Variants in SLC6A5 observed in about 807,000 individuals in gnomAD.
The protein encoded by SLC6A5 is sodium- and chloride-dependent glycine transporter 2.
In SLC6A5, 58 loss-of-function variants were observed where a neutral mutation model predicts 90.5. The ratio of observed to expected loss-of-function variants is 0.64; its 90% CI spans 0.52 to 0.80. The LOEUF (loss-of-function observed/expected upper bound fraction) is 0.80. SLC6A5 is among the 30% of genes least tolerant of loss of function. The probability of loss-of-function intolerance (pLI) is 0.00; values close to 1 mark genes in which losing one functional copy is unlikely to be tolerated. For missense variants in SLC6A5, 1,015 were observed against 1,017.6 expected (o/e 1.00, Z 0.03); for synonymous variants, 427 against 401.4 (o/e 1.06, Z -0.76).
chr11:20,618,202 A>T (rs1790621969), intron 7 of SLC6A5, among the ~76,000 whole-genome samples: 1 of 152,146 alleles, frequency 6.6e-6, no homozygotes, highest in African/African-American at 2.4e-5. Flanking sequence ...AACCTCCCTG[A>T]TATCATTCAG....
intron 11 of SLC6A5, among the ~76,000 whole-genome samples, chr11:20,636,774 A>G (rs1054370887): frequency 6.6e-6 from 1 of 152,176 alleles, no homozygotes; most frequent in African/African-American, 2.4e-5. Context: ...TGGGGCTGAG[A>G]CAACCGCAGA....
Position 20,607,029 on chromosome 11 carries a change from G to C in SLC6A5, c.702G>C (p.Leu234=). 6.2e-7 allele frequency: 1 copy of C among 1,614,104 alleles called. No homozygotes were observed. Among genetic ancestry groups the C allele is most frequent in the African/African-American group, 1.3e-5 (1 of 75,022 alleles). The change falls in exon 4 of 16, where the codon CTG becomes CTC. Residue 234 remains leucine, a synonymous_variant. Coordinates refer to ENST00000525748, the MANE Select transcript of SLC6A5 (RefSeq NM_004211.5). The part of the protein sequence containing the change: ...NGGGAFLIPY[L]MMLALAGLPI... The stretch of plus-strand genomic sequence containing the variant: ...AAGGTGCTTTCCTCATCCCTTACCT[G>C]ATGATGCTGGCTCTGGCTGGATTAC...
intron 13 of SLC6A5, among the ~76,000 whole-genome samples, chr11:20,645,614 A>C (rs1853397709): frequency 6.9e-6 from 1 of 143,900 alleles, no homozygotes; most frequent in African/African-American, 2.6e-5. Flanking sequence ...AAAATGATGG[A>C]GGATGAAGGA....
intron 7 of SLC6A5, among the ~76,000 whole-genome samples, chr11:20,622,746 C>T (rs906063961): frequency 1.3e-5 from 2 of 151,868 alleles, no homozygotes; most frequent in Non-Finnish European, 2.9e-5. Flanking sequence ...AGATTTCCTT[C>T]TATAAGCCAC....
At chr11:20,625,026 T>C (rs1200322846) in intron 7 of SLC6A5, among the ~76,000 whole-genome samples, 2 of 152,086 alleles carry the variant, frequency 1.3e-5, no homozygotes, top group Admixed American at 6.5e-5. Context: ...CCTCAGTGAG[T>C]GCTGGAGTCA....
intron 3 of SLC6A5, among the ~76,000 whole-genome samples, chr11:20,606,639 A>G (rs1852586810): frequency 1.3e-5 from 2 of 152,084 alleles, no homozygotes; most frequent in African/African-American, 4.8e-5. Flanking sequence ...CACCAACCTG[A>G]ATCCAGTAGT....
Position 20,627,968 on chromosome 11 carries a change from T to C in SLC6A5, c.1396-12T>C, listed in dbSNP as rs1476710285. On this transcript the variant is annotated splice_polypyrimidine_tract_variant and intron_variant, in intron 8 of 15. Transcript: ENST00000525748. Reference sequence around the variant, plus strand: ...TCATGGGTCTTGAATCTCTTTCCCTTTTGCCTCTCAGGTGTGGAAAGATGC... The same window carrying C: ...TCATGGGTCTTGAATCTCTTTCCCTCTTGCCTCTCAGGTGTGGAAAGATGC... The C allele has an allele frequency of 6.2e-7, 1 of 1,607,608 alleles. No individual in the cohort carries two copies.
chr11:20,623,298 C>G (rs537983914), intron 7 of SLC6A5, among the ~76,000 whole-genome samples: 1 of 152,262 alleles, frequency 6.6e-6, no homozygotes, highest in Admixed American at 6.5e-5. Context: ...AGTAACTTCC[C>G]CATTTCAGTT....
rs1373746869 is a variant in SLC6A5, at chr11:20,655,340, C to G, written c.*472C>G. The stretch of plus-strand genomic sequence containing the variant: ...GTTCAAGACAGGTTTTTTTTTTTTT[C>G]AGAGAGTTAGCAGTGGTCAGAAAAT... On this transcript the variant is annotated 3_prime_UTR_variant, in exon 16 of 16. Coordinates refer to ENST00000525748, the MANE Select transcript of SLC6A5 (RefSeq NM_004211.5). The G allele has an allele frequency of 4.8e-6, 1 of 208,710 alleles. No individual in the cohort carries two copies. The highest frequency in any genetic ancestry group is 9.7e-6 in the Non-Finnish European group (1 of 103,316). The allele number at this position is 208,710 out of a possible 1,614,324, so 12.9% of individuals were successfully genotyped here. A position where few individuals can be genotyped will look rare whatever the true frequency, so the allele number is the denominator to read the frequency against.
chr11:20,643,401 A>G (rs1329667418), intron 13 of SLC6A5, among the ~76,000 whole-genome samples: 1 of 152,178 alleles, frequency 6.6e-6, no homozygotes, highest in Non-Finnish European at 1.5e-5. Context: ...AAAGGAGACT[A>G]ACAAATCCAA....
At position 20,655,610 on chromosome 11, in the gene SLC6A5, G is replaced by C. The variant is rs1323183791; in HGVS notation, c.*742G>C. On this transcript the variant is annotated 3_prime_UTR_variant, in exon 16 of 16. Transcript: ENST00000525748. ...TCTTTTGGTCATTTCCTCCACCTCT[G>C]CCCAAGAAGCCATCATATAAGTTGT... 1.3e-5 allele frequency: 2 copies of C among 152,526 alleles called. No individual in the cohort carries two copies. Among genetic ancestry groups the C allele is most frequent in the Non-Finnish European group, 2.9e-5 (2 of 68,370 alleles). The allele number at this position is 152,526 out of a possible 1,614,324, so 9.4% of individuals were successfully genotyped here.
chr11:20,607,023 T>C lies in SLC6A5; in HGVS notation c.696T>C (p.Pro232=), dbSNP rs758459015. ...CTTTCCAAGGTGCTTTCCTCATCCC[T>C]TACCTGATGATGCTGGCTCTGGCTG... ...FQNGGGAFLI[P]YLMMLALAGL... The change falls in exon 4 of 16, where the codon CCT becomes CCC. Residue 232 remains proline (P), a synonymous_variant. Coordinates refer to ENST00000525748, the MANE Select transcript of SLC6A5 (RefSeq NM_004211.5). The C allele has an allele frequency of 6.2e-7, 1 of 1,614,134 alleles. No homozygotes were observed. The highest frequency in any genetic ancestry group is 1.7e-5 in the Admixed American group (1 of 60,028).
rs767840647 is a variant in SLC6A5, at chr11:20,638,471, A to G, written c.1882A>G (p.Met628Val). Residue 628 changes from methionine (M) to valine (V), a missense_variant, in exon 13 of 16, where the codon ATG becomes GTG. Physicochemically the swap from Met to Val is conservative, Grantham distance 21. Transcript: ENST00000525748. ...TCTCTCCTGTTAGGGTGGAATTTAC[A>G]TGTTTCAGCTTGTGGACACCTATGC... Reference protein sequence around the residue: ...FPMITQGGIYMFQLVDTYAAS... With the variant: ...FPMITQGGIYVFQLVDTYAAS... 4 of 1,610,700 alleles carry G rather than the reference A, an allele frequency of 2.5e-6. No homozygotes were observed. In the East Asian group the frequency reaches 8.9e-5, roughly 36 times the overall value.
At chr11:20,633,708 A>T (rs1853148996) in intron 10 of SLC6A5, among the ~76,000 whole-genome samples, 1 of 152,182 alleles carries the variant, frequency 6.6e-6, no homozygotes, top group Non-Finnish European at 1.5e-5. Flanking sequence ...ATGTCCAGGC[A>T]TTGTTCTAAG....
At chr11:20,611,483 G>C (rs1425313128) in intron 5 of SLC6A5, among the ~76,000 whole-genome samples, 1 of 152,106 alleles carries the variant, frequency 6.6e-6, no homozygotes, top group East Asian at 1.9e-4. Context: ...ATGAAAAAAG[G>C]TTCCCACAGA....
chr11:20,655,222 C>T lies in SLC6A5; in HGVS notation c.*354C>T. ...CCACTGTGTGATGGCATGGGGGGTG[C>T]CAGTAAGGCATGTATAGAGTGGCCG... On this transcript the variant is annotated 3_prime_UTR_variant, in exon 16 of 16. Coordinates refer to ENST00000525748, the MANE Select transcript of SLC6A5 (RefSeq NM_004211.5). The T allele has an allele frequency of 2.8e-6, 1 of 361,322 alleles. No homozygotes were observed. The allele number at this position is 361,322 out of a possible 1,614,324, so 22.4% of individuals were successfully genotyped here.
Position 20,658,078 on chromosome 11 carries a change from C to T in SLC6A5, c.*3210C>T, listed in dbSNP as rs1161902703. ...AAGCAGCACTTTAAAAAGAGTTTAA[C>T]ATGATGACCTTTAAATGGATAGGAC... On this transcript the variant is annotated 3_prime_UTR_variant, in exon 16 of 16. Coordinates refer to ENST00000525748, the MANE Select transcript of SLC6A5 (RefSeq NM_004211.5). 1 of 152,128 alleles carries T rather than the reference C, an allele frequency of 6.6e-6. No individual in the cohort carries two copies. Among genetic ancestry groups the T allele is most frequent in the Non-Finnish European group, 1.5e-5 (1 of 68,020 alleles). 9.4% of individuals were successfully genotyped at this position (152,128 alleles called of 1,614,324 possible).
Position 20,658,859 on chromosome 11 carries a change from G to C in SLC6A5, c.*3991G>C, listed in dbSNP as rs904389212. 1.3e-5 allele frequency: 2 copies of C among 151,968 alleles called. No individual in the cohort carries two copies. Among genetic ancestry groups the C allele is most frequent in the African/African-American group, 4.8e-5 (2 of 41,360 alleles). The allele number at this position is 151,968 out of a possible 1,614,324, so 9.4% of individuals were successfully genotyped here. A position where few individuals can be genotyped will look rare whatever the true frequency, so the allele number is the denominator to read the frequency against. ...AAACTGTTTTGTCTCTCATTTGTTTGTGGTTTTTGCACTTTATTATGGACC... is the reference window on the plus strand; with the variant it reads ...AAACTGTTTTGTCTCTCATTTGTTTCTGGTTTTTGCACTTTATTATGGACC... On this transcript the variant is annotated 3_prime_UTR_variant, in exon 16 of 16. Transcript: ENST00000525748.
intron 13 of SLC6A5, among the ~76,000 whole-genome samples, chr11:20,646,321 A>G (rs973507330): frequency 1.3e-5 from 2 of 152,168 alleles, no homozygotes; most frequent in African/African-American, 4.8e-5. Flanking sequence ...TTTGTGTGCT[A>G]TTATCATCTT....
Sources: gnomAD v4.1 joint callset for allele counts (sites outside exome capture counted in the v4.1 genomes callset) on GRCh38, gnomAD v4.1.1 for gene constraint, MANE v1.5 for transcripts, NCBI Gene and HGNC (gene_info 2026-07-23, HGNC 2026-07-21) for gene names.